The following PTPRM variants were observed in gnomAD, a reference collection of about 807,000 sequenced individuals.
PTPRM encodes protein tyrosine phosphatase receptor type M.
PTPRM carries 47 observed loss-of-function variants against 186.7 expected under a neutral mutation model. That is an observed-to-expected ratio of 0.25 (90% CI 0.20 to 0.32). The LOEUF (loss-of-function observed/expected upper bound fraction) is 0.32, where lower values mean the gene tolerates loss of function less well. PTPRM is among the 10% of genes least tolerant of loss of function. The pLI is 1.00. For synonymous variants in PTPRM, 668 were observed against 674.9 expected (o/e 0.99, Z 0.16); for missense variants, 1,494 against 1,865.0 (o/e 0.80, Z 3.66).
intron 7 of PTPRM, among the ~76,000 whole-genome samples, chr18:7,957,493 C>T (rs2053392281): frequency 6.6e-6 from 1 of 152,182 alleles, no homozygotes; most frequent in South Asian, 2.1e-4. Flanking sequence ...TTCCTCTTAA[C>T]TGTTTGCAGC....
chr18:7,965,572 G>A (rs1426734771), intron 7 of PTPRM, among the ~76,000 whole-genome samples: 1 of 152,202 alleles, frequency 6.6e-6, no homozygotes, highest in Non-Finnish European at 1.5e-5. Flanking sequence ...CCATAGGGCT[G>A]CTTGTGAGCC....
At chr18:7,789,327 AATGATG>A (rs150471424) in intron 2 of PTPRM, among the ~76,000 whole-genome samples, 3 of 151,646 alleles carry the variant, frequency 2.0e-5, no homozygotes, top group African/African-American at 7.3e-5. Flanking sequence ...CCTGTCTTTA[AATGATG>A]ATGATGATGA....
At chr18:7,758,459 T>G (rs1338085082) in intron 1 of PTPRM, among the ~76,000 whole-genome samples, 2 of 152,166 alleles carry the variant, frequency 1.3e-5, no homozygotes, top group Non-Finnish European at 2.9e-5. Context: ...ACCACCCAAT[T>G]TGTAAATCAG....
chr18:8,337,891 T>C (rs1044073092), intron 22 of PTPRM, among the ~76,000 whole-genome samples: 1 of 152,194 alleles, frequency 6.6e-6, no homozygotes, highest in African/African-American at 2.4e-5. Flanking sequence ...ATTTAGGGCT[T>C]ACTCTGAGAG....
chr18:7,605,425 C>G (rs1052988195), intron 1 of PTPRM, among the ~76,000 whole-genome samples: 1 of 151,572 alleles, frequency 6.6e-6, no homozygotes, highest in African/African-American at 2.4e-5. Flanking sequence ...AATGTCCCCC[C>G]CCCACTTCCG....
rs890128721 is a variant in PTPRM at position 7,833,132 on chromosome 18, A to AT, written c.197-54965dup. ...TTTGGGGTTCCATATACATTTTAGGATTTTTTTTTGTTGCTGTGAACAATG... is the reference window on the plus strand; with the variant it reads ...TTTGGGGTTCCATATACATTTTAGGATTTTTTTTTTGTTGCTGTGAACAATG... On this transcript the variant is annotated intron_variant, in intron 2 of 32. Transcript: ENST00000580170. Among the ~76,000 whole-genome samples the AT allele has an allele frequency of 5.4e-4, 81 of 151,118 alleles. 1 individual carries two copies. The South Asian group carries it at 0.012, about 22-fold the overall frequency.
intron 25 of PTPRM, 95 bp from the exon 26 acceptor site, chr18:8,376,367 A>G: frequency 6.3e-7 from 1 of 1,578,620 alleles, no homozygotes; most frequent in East Asian, 2.2e-5. Flanking sequence ...GTTTAATTTT[A>G]TATTATGTAA....
chr18:7,911,780 T>C (rs2050276382), intron 4 of PTPRM, among the ~76,000 whole-genome samples: 1 of 151,856 alleles, frequency 6.6e-6, no homozygotes. Context: ...TATTTGGAGT[T>C]GTAGCTAATA....
At chr18:7,737,472 G>A (rs922777194) in intron 1 of PTPRM, among the ~76,000 whole-genome samples, 2 of 152,140 alleles carry the variant, frequency 1.3e-5, no homozygotes, top group Non-Finnish European at 1.5e-5. Context: ...GTAATCTTCC[G>A]TCTACCTGTT....
intron 5 of PTPRM, among the ~76,000 whole-genome samples, chr18:7,932,932 C>T (rs987002757): frequency 1.3e-4 from 19 of 151,984 alleles, no homozygotes; most frequent in African/African-American, 2.2e-4. Context: ...AAATGTGGTC[C>T]GAAAATGTCA....
intron 11 of PTPRM, among the ~76,000 whole-genome samples, chr18:8,093,358 C>T (rs1265705079): frequency 1.3e-5 from 2 of 152,184 alleles, no homozygotes; most frequent in East Asian, 3.9e-4. Flanking sequence ...TAAGTGTTTA[C>T]TCTTGCCTTA....
At chr18:8,218,314 CA>C in intron 14 of PTPRM, among the ~76,000 whole-genome samples, 1 of 152,194 alleles carries the variant, frequency 6.6e-6, no homozygotes, top group East Asian at 1.9e-4. Context: ...TGCAGATTAC[CA>C]ACAACGTGAC....
chr18:7,667,212 A>G (rs566806909), intron 1 of PTPRM, among the ~76,000 whole-genome samples: 5 of 152,352 alleles, frequency 3.3e-5, no homozygotes, highest in African/African-American at 1.2e-4. Context: ...TTACCATTTT[A>G]TGATGATATC....
intron 6 of PTPRM, among the ~76,000 whole-genome samples, chr18:7,951,036 A>G (rs1041394359): frequency 1.3e-5 from 2 of 152,194 alleles, no homozygotes; most frequent in East Asian, 1.9e-4. Context: ...GGCGTAAGGA[A>G]GTGCACATTA....
intron 13 of PTPRM, among the ~76,000 whole-genome samples, chr18:8,135,894 C>T (rs2092627476): frequency 6.6e-6 from 1 of 152,184 alleles, no homozygotes. Flanking sequence ...GGTATACTTA[C>T]TTTTTGATGA....
chr18:8,382,556 G>A (rs139356210), intron 29 of PTPRM, among the ~76,000 whole-genome samples: 35 of 152,258 alleles, frequency 2.3e-4, no homozygotes, highest in Non-Finnish European at 4.3e-4. Context: ...ACCAGGAAGT[G>A]CTGGTGAGGA....
In PTPRM at chr18:7,947,540, A is replaced by G. The variant is rs118039281; in HGVS notation, c.664-1641A>G. Among the ~76,000 whole-genome samples, 1,282 of 152,292 alleles carry G rather than the reference A, an allele frequency of 8.4e-3. 7 individuals are homozygous for G. The highest frequency in any genetic ancestry group is 0.014 in the Non-Finnish European group (944 of 68,018). On this transcript the variant is annotated intron_variant, in intron 5 of 32. Transcript: ENST00000580170. Reference sequence around the variant, plus strand: ...TAGCTATGAATGTAAACATTTTAATATAGCCTGCAAGTCCCTGAGCACACA... The same window carrying G: ...TAGCTATGAATGTAAACATTTTAATGTAGCCTGCAAGTCCCTGAGCACACA...
intron 1 of PTPRM, among the ~76,000 whole-genome samples, chr18:7,696,921 T>A (rs946783470): frequency 7.9e-5 from 12 of 152,088 alleles, no homozygotes. Flanking sequence ...TCGATGGGGG[T>A]GTCTTTACTG....
At position 7,704,521 on chromosome 18, in the gene PTPRM, C is replaced by T. The variant is rs959239523; in HGVS notation, c.74-69628C>T. On this transcript the variant is annotated intron_variant, in intron 1 of 32. Transcript: ENST00000580170. ...TTTCTGTGGGATCAGGGGTGATATT[C>T]GCTTTATCATTTTTTATTGTGTCTA... Among the ~76,000 whole-genome samples, 9 of 152,158 alleles carry T rather than the reference C, an allele frequency of 5.9e-5. No individual in the cohort carries two copies. The South Asian group carries it at 8.3e-4, about 14-fold the overall frequency.
Sources: allele counts gnomAD v4.1 joint callset (sites outside exome capture counted in the v4.1 genomes callset), GRCh38; gene constraint gnomAD v4.1.1; transcripts MANE v1.5; gene names NCBI Gene and HGNC (gene_info 2026-07-23, HGNC 2026-07-21).